The following ADGRL3 variants were observed in gnomAD, a reference collection of about 807,000 sequenced individuals.
ADGRL3 encodes calcium-independent alpha-latrotoxin receptor 3.
In ADGRL3, 62 loss-of-function variants were observed where a neutral mutation model predicts 153.5. That is an observed-to-expected ratio of 0.40 (90% CI 0.33 to 0.50). The LOEUF (loss-of-function observed/expected upper bound fraction) is 0.50, where lower values mean the gene tolerates loss of function less well. ADGRL3 is among the 20% of genes least tolerant of loss of function. ADGRL3 has a pLI of 0.47. For synonymous variants in ADGRL3, 710 were observed against 672.5 expected, an observed-to-expected ratio of 1.06 and a Z score of -0.86; for missense variants, 1,641 against 1,859.4, an observed-to-expected ratio of 0.88 and a Z score of 2.16.
At chr4:61,423,636 C>A (rs1333905900) in intron 2 of ADGRL3, among the ~76,000 whole-genome samples, 1 of 152,066 alleles carries the variant, frequency 6.6e-6, no homozygotes, top group Non-Finnish European at 1.5e-5. Context: ...GCCAGTAATG[C>A]CATTTTAATA....
At chr4:61,661,235 A>G (rs2094583832) in intron 5 of ADGRL3, among the ~76,000 whole-genome samples, 1 of 152,096 alleles carries the variant, frequency 6.6e-6, no homozygotes, top group Non-Finnish European at 1.5e-5. Context: ...AAGCATTGTC[A>G]ATATCCTGAC....
chr4:61,986,958 G>A (rs1451697883), intron 19 of ADGRL3, among the ~76,000 whole-genome samples: 2 of 151,992 alleles, frequency 1.3e-5, no homozygotes, highest in Non-Finnish European at 2.9e-5. Flanking sequence ...TGAACAGATT[G>A]TTTCCATCAG....
chr4:61,746,164 A>C (rs894535570), intron 8 of ADGRL3, among the ~76,000 whole-genome samples: 1 of 152,192 alleles, frequency 6.6e-6, no homozygotes. Context: ...TAACTATCCT[A>C]AATATATATG....
At chr4:61,608,335 T>G (rs774487785) in intron 5 of ADGRL3, among the ~76,000 whole-genome samples, 7 of 152,218 alleles carry the variant, frequency 4.6e-5, no homozygotes, top group Non-Finnish European at 1.0e-4. Context: ...GCATAAACAC[T>G]GTTCATATTA....
chr4:61,806,996 TAAACAAG>T (rs2097559605), intron 8 of ADGRL3, among the ~76,000 whole-genome samples: 1 of 150,990 alleles, frequency 6.6e-6, no homozygotes, highest in Non-Finnish European at 1.5e-5. Context: ...GTCTTTCTTA[TAAACAAG>T]AAATAATAAA....
intron 6 of ADGRL3, among the ~76,000 whole-genome samples, chr4:61,686,302 A>G (rs1237134038): frequency 6.6e-6 from 1 of 152,146 alleles, no homozygotes; most frequent in Non-Finnish European, 1.5e-5. Flanking sequence ...TTTGTTGCTG[A>G]AAAGATCTTA....
intron 1 of ADGRL3, among the ~76,000 whole-genome samples, chr4:61,300,861 G>A (rs1392760582): frequency 6.6e-6 from 1 of 151,246 alleles, no homozygotes; most frequent in Non-Finnish European, 1.5e-5. Context: ...CGCCTCACGG[G>A]TTCAAGCAAT....
At chr4:61,855,783 C>T (rs1355969179) in intron 9 of ADGRL3, among the ~76,000 whole-genome samples, 1 of 151,226 alleles carries the variant, frequency 6.6e-6, no homozygotes, top group Admixed American at 6.6e-5. Context: ...TTTTTTTCAG[C>T]CACTATTTAT....
chr4:62,029,352 A>C (rs1720680232), intron 22 of ADGRL3, among the ~76,000 whole-genome samples: 1 of 151,814 alleles, frequency 6.6e-6, no homozygotes, highest in Non-Finnish European at 1.5e-5. Context: ...AATATAAATA[A>C]AGAAAAAAAT....
intron 2 of ADGRL3, among the ~76,000 whole-genome samples, chr4:61,483,026 G>A (rs1329539628): frequency 2.0e-5 from 3 of 152,146 alleles, no homozygotes; most frequent in East Asian, 3.9e-4. Flanking sequence ...GCTTTGAATA[G>A]CATAGACTCC....
At chr4:61,409,283 TTA>T (rs1491308205) in intron 2 of ADGRL3, among the ~76,000 whole-genome samples, 1 of 138,756 alleles carries the variant, frequency 7.2e-6, no homozygotes, top group East Asian at 2.3e-4. Flanking sequence ...ATAATATATA[TTA>T]TATATATTAG....
intron 8 of ADGRL3, among the ~76,000 whole-genome samples, chr4:61,768,299 G>A (rs542842591): frequency 5.8e-4 from 88 of 152,176 alleles, no homozygotes; most frequent in Admixed American, 1.3e-3. Flanking sequence ...GTGGAGGAGC[G>A]GAGGCTGAGG....
chr4:61,295,456 C>T (rs1001841945), intron 1 of ADGRL3, among the ~76,000 whole-genome samples: 3 of 152,044 alleles, frequency 2.0e-5, no homozygotes, highest in Non-Finnish European at 4.4e-5. Context: ...TCTTGGAACA[C>T]AGTCCCTGTG....
At chr4:61,714,416 C>A (rs1393294455) in intron 6 of ADGRL3, among the ~76,000 whole-genome samples, 1 of 152,150 alleles carries the variant, frequency 6.6e-6, no homozygotes, top group Non-Finnish European at 1.5e-5. Flanking sequence ...TGCCTCTGCA[C>A]ACATGTTGTA....
At chr4:61,389,126 T>C (rs2096774111) in intron 2 of ADGRL3, among the ~76,000 whole-genome samples, 1 of 152,198 alleles carries the variant, frequency 6.6e-6, no homozygotes, top group Non-Finnish European at 1.5e-5. Context: ...GGAAGCAGCA[T>C]GCATGATCAT....
At chr4:61,456,447 C>CTATATCTATATATATAGA (rs1560665034) in intron 2 of ADGRL3, among the ~76,000 whole-genome samples, 1 of 102,510 alleles carries the variant, frequency 9.8e-6, no homozygotes, top group Non-Finnish European at 1.9e-5. Flanking sequence ...ATAGATATAT[C>CTATATCTATATATATAGA]TATATCTATA....
chr4:61,334,706 G>A (rs897600668), intron 1 of ADGRL3, among the ~76,000 whole-genome samples: 2 of 151,876 alleles, frequency 1.3e-5, no homozygotes, highest in South Asian at 2.1e-4. Flanking sequence ...TTAGGAACAC[G>A]AAACCTGAAA....
intron 1 of ADGRL3, among the ~76,000 whole-genome samples, chr4:61,293,576 A>G (rs150334584): frequency 6.6e-6 from 1 of 152,342 alleles, no homozygotes; most frequent in Non-Finnish European, 1.5e-5. Context: ...TAATATTAGT[A>G]AATGCCTACT....
At chr4:62,021,716 T>A (rs1355214967) in intron 21 of ADGRL3, among the ~76,000 whole-genome samples, 1 of 152,136 alleles carries the variant, frequency 6.6e-6, no homozygotes, top group Non-Finnish European at 1.5e-5. Flanking sequence ...TATTATTATA[T>A]CTGTTAGGGT....
Sources: gnomAD v4.1 joint callset for allele counts (sites outside exome capture counted in the v4.1 genomes callset) on GRCh38, gnomAD v4.1.1 for gene constraint, MANE v1.5 for transcripts, NCBI Gene and HGNC (gene_info 2026-07-23, HGNC 2026-07-21) for gene names.